Variants in ARL6IP4 observed in about 807,000 individuals in gnomAD.
ARL6IP4 encodes ARF like GTPase 6 interacting protein 4.
Under a neutral mutation model 28.1 loss-of-function variants are expected in ARL6IP4, and 24 were observed. The ratio of observed to expected loss-of-function variants is 0.86; its 90% CI spans 0.62 to 1.20. ARL6IP4 has a LOEUF of 1.20. Ranked by LOEUF, ARL6IP4 falls within the 50% of genes most tolerant of loss-of-function variation. The probability of loss-of-function intolerance (pLI) is 0.00; values close to 1 mark genes in which losing one functional copy is unlikely to be tolerated. For synonymous variants in ARL6IP4, 162 were observed against 122.3 expected, an observed-to-expected ratio of 1.32 and a Z score of -2.14; for missense variants, 343 against 302.4, an observed-to-expected ratio of 1.13 and a Z score of -1.00.
chr12:122,980,691 C>T lies in ARL6IP4; in HGVS notation c.-66C>T, dbSNP rs966480582. 1 of 1,339,248 alleles carries T rather than the reference C, an allele frequency of 7.5e-7. No individual in the cohort carries two copies. Among genetic ancestry groups the T allele is most frequent in the African/African-American group, 1.5e-5 (1 of 65,122 alleles). The allele number at this position is 1,339,248 out of a possible 1,614,324, so 83.0% of individuals were successfully genotyped here. A position where few individuals can be genotyped will look rare whatever the true frequency, so the allele number is the denominator to read the frequency against. ...GCCCCGGCCGGAAGCCTCCTCGCCG[C>T]CGCTTCCTCTCGAGAAGGCGCGGGG... On this transcript the variant is annotated 5_prime_UTR_variant, in exon 1 of 6. Transcript: ENST00000315580.
At chr12:122,980,848 C>G in intron 1 of ARL6IP4, 103 bp downstream of exon 1, 2 of 1,332,214 alleles carry the variant, frequency 1.5e-6, no homozygotes, top group Non-Finnish European at 1.9e-6. Flanking sequence ...AGACGCCACT[C>G]GCGGCGGACG....
At position 122,981,764 on chromosome 12, in the gene ARL6IP4, G is replaced by C; in HGVS notation, c.354G>C (p.Arg118Ser). Reference protein sequence around the residue: ...KDKRRKKKKKRKKLKKKGKEK... With the variant: ...KDKRRKKKKKSKKLKKKGKEK... Reference sequence around the variant, plus strand: ...AGAGGAGGAAGAAGAAGAAGAAGAGGAAGAAGCTGAAGAAGAAGGGCAAGG... The same window carrying C: ...AGAGGAGGAAGAAGAAGAAGAAGAGCAAGAAGCTGAAGAAGAAGGGCAAGG... The change falls in exon 3 of 6, where the codon AGG (arginine) becomes AGC (serine). Residue 118 changes from arginine (R) to serine (S), a missense_variant. Coordinates refer to ENST00000315580, the MANE Select transcript of ARL6IP4 (RefSeq NM_018694.4). 1 of 1,565,282 alleles carries C rather than the reference G, an allele frequency of 6.4e-7. No homozygotes were observed.
Position 122,982,173 on chromosome 12 carries a change from C to A in ARL6IP4, c.587+99C>A, listed in dbSNP as rs112360219. ...GTGGGGCCGGGCGGGGTTCCTGGTGCCTGAAAAAGGCCAAATGTGGGCAAA... is the reference window on the plus strand; with the variant it reads ...GTGGGGCCGGGCGGGGTTCCTGGTGACTGAAAAAGGCCAAATGTGGGCAAA... On this transcript the variant is annotated intron_variant, in intron 4 of 5. Transcript: ENST00000315580. The A allele has an allele frequency of 1.1e-3, 1,576 of 1,413,964 alleles. 14 individuals are homozygous for A. In the African/African-American group the frequency reaches 0.018, roughly 16 times the overall value. The allele number at this position is 1,413,964 out of a possible 1,614,324, so 87.6% of individuals were successfully genotyped here.
chr12:122,980,895 G>A (rs1468235790), intron 1 of ARL6IP4, 150 bp downstream of exon 1: 3 of 1,360,770 alleles, frequency 2.2e-6, no homozygotes, highest in African/African-American at 1.5e-5. Flanking sequence ...CGGGTGCGCA[G>A]GCGTGGGGCC....
At position 122,981,749 on chromosome 12, in the gene ARL6IP4, G is replaced by C. The variant is rs533949295; in HGVS notation, c.339G>C (p.Lys113Asn). 1 of 1,550,058 alleles carries C rather than the reference G, an allele frequency of 6.5e-7. No homozygotes were observed. Among genetic ancestry groups the C allele is most frequent in the Middle Eastern group, 1.7e-4 (1 of 5,986 alleles). ...GGAAGTACAAGGACAAGAGGAGGAA[G>C]AAGAAGAAGAAGAGGAAGAAGCTGA... is the stretch of plus-strand genomic sequence containing the variant. ...KRGKYKDKRR[K>N]KKKKRKKLKK... is the part of the protein sequence containing the mutation. The change falls in exon 3 of 6, where the codon AAG (lysine) becomes AAC (asparagine). Residue 113 changes from lysine to asparagine, a missense_variant. By Grantham distance (94) the Lys-to-Asn change is moderately conservative. Transcript: ENST00000315580.
At position 122,981,858 on chromosome 12, in the gene ARL6IP4, G is replaced by C. The variant is rs1361019830; in HGVS notation, c.448G>C (p.Gly150Arg). The C allele has an allele frequency of 1.9e-6, 3 of 1,610,882 alleles. No individual in the cohort carries two copies. Among genetic ancestry groups the C allele is most frequent in the Non-Finnish European group, 2.5e-6 (3 of 1,178,036 alleles). ...PSLDQWHRSA[G>R]EEEDGPVLTD... ...GCTGGACCAGTGGCACCGATCAGCT[G>C]GGGAGGAAGAGGATGGCCCAGGTAC... Residue 150 changes from glycine (G) to arginine (R), a missense_variant, in exon 3 of 6, where the codon GGG becomes CGG. Physicochemically the swap from Gly to Arg is moderately radical, Grantham distance 125. Transcript: ENST00000315580.
In ARL6IP4 at chr12:122,982,720, G is replaced by C. The variant is rs771405285; in HGVS notation, c.*44G>C. On this transcript the variant is annotated 3_prime_UTR_variant, in exon 6 of 6. Coordinates refer to ENST00000315580, the MANE Select transcript of ARL6IP4 (RefSeq NM_018694.4). Reference sequence around the variant, plus strand: ...GCCTGTGGACGACGCTGGCGGCCCAGCCTGGGCAGGTTTCAGGGTGCCAGT... The same window carrying C: ...GCCTGTGGACGACGCTGGCGGCCCACCCTGGGCAGGTTTCAGGGTGCCAGT... The C allele has an allele frequency of 6.3e-7, 1 of 1,593,006 alleles. No homozygotes were observed. The highest frequency in any genetic ancestry group is 1.7e-5 in the Admixed American group (1 of 59,940).
chr12:122,981,189 G>A lies in ARL6IP4; in HGVS notation c.50G>A (p.Arg17Gln). Residue 17 changes from arginine to glutamine, a missense_variant, in exon 2 of 6, where the codon CGG becomes CAG. Arg to Gln is a conservative substitution (Grantham distance 43). Transcript: ENST00000315580. ...RKRSRSRSRS[R>Q]GRGSEKRKKK... is the part of the protein sequence containing the mutation. ...CGCTCGAGGAGTCGCAGCCGGTCCC[G>A]GGGACGGGGGTCGGAAAAGAGAAAG... The A allele has an allele frequency of 3.2e-6, 5 of 1,549,346 alleles. 1 individual carries two copies. The highest frequency in any genetic ancestry group is 2.7e-5 in the African/African-American group (2 of 73,034).
At chr12:122,980,861 G>A (rs1335407506) in intron 1 of ARL6IP4, 116 bp downstream of exon 1, 5 of 1,333,708 alleles carry the variant, frequency 3.7e-6, no homozygotes, top group East Asian at 3.1e-5. Flanking sequence ...GGCGGACGGC[G>A]GCCAGTTCCC....
rs1037265957 is a variant in ARL6IP4, at chr12:122,981,806, G to T, written c.396G>T (p.Gln132His). The change falls in exon 3 of 6, where the codon CAG (glutamine) becomes CAT (histidine). Residue 132 changes from glutamine to histidine, a missense_variant. Physicochemically the swap from Gln to His is conservative, Grantham distance 24 (BLOSUM62 0). Transcript: ENST00000315580. ...AGGGCAAGGAGAAGGCGGAAGCACA[G>T]CAGGTGGAGGCTCTGCCGGGCCCCT... The part of the protein sequence containing the change: ...KKKGKEKAEA[Q>H]QVEALPGPSL... 3.7e-6 allele frequency: 6 copies of T among 1,602,956 alleles called. No homozygotes were observed. The highest frequency in any genetic ancestry group is 1.7e-5 in the Admixed American group (1 of 58,150).
intron 2 of ARL6IP4, 132 bp downstream of exon 2, chr12:122,981,431 G>GC: frequency 7.2e-7 from 1 of 1,388,684 alleles, no homozygotes; most frequent in South Asian, 1.5e-5. Flanking sequence ...CGCCGCAGGA[G>GC]CCAGGAAGGG....
upstream of ARL6IP4, chr12:122,980,477 G>A (rs2037593563): frequency 1.5e-6 from 2 of 1,364,624 alleles, no homozygotes; most frequent in East Asian, 2.8e-5. Context: ...TGCTGCGGGC[G>A]TGCGCCGAGA....
In ARL6IP4 at chr12:122,982,067, C is replaced by T. The variant is rs745538478; in HGVS notation, c.580C>T (p.Arg194Cys). 1.9e-6 allele frequency: 3 copies of T among 1,613,262 alleles called. No individual in the cohort carries two copies. Among genetic ancestry groups the T allele is most frequent in the Admixed American group, 1.7e-5 (1 of 60,010 alleles). The change falls in exon 4 of 6, where the codon CGC (arginine) becomes TGC (cysteine). Residue 194 changes from arginine (R) to cysteine (C), a missense_variant. Transcript: ENST00000315580. ...CAAGGTGGTGGACCCTGAGACGGGGCGCACCAGGTGGGGAGCTTTCGGCCT... is the reference window on the plus strand; with the variant it reads ...CAAGGTGGTGGACCCTGAGACGGGGTGCACCAGGTGGGGAGCTTTCGGCCT... ...IRKVVDPETG[R>C]TRLIKGDGEV...
intron 2 of ARL6IP4, 65 bp downstream of exon 2, chr12:122,981,364 G>GGTCGGGGACGCTCAGTC: frequency 4.0e-6 from 6 of 1,493,746 alleles, no homozygotes; most frequent in Non-Finnish European, 5.4e-6. Flanking sequence ...GGCGAGCAGT[G>GGTCGGGGACGCTCAGTC]GTCGGGGACG....
intron 1 of ARL6IP4, 154 bp from the exon 2 acceptor site, chr12:122,980,975 C>G: frequency 7.2e-7 from 1 of 1,386,884 alleles, no homozygotes; most frequent in Non-Finnish European, 9.3e-7. Flanking sequence ...AACCGGGGTC[C>G]CCAGCGCTGG....
Position 122,981,660 on chromosome 12 carries a change from T to A in ARL6IP4, c.250T>A (p.Ser84Thr). The A allele has an allele frequency of 6.4e-7, 1 of 1,555,946 alleles. No individual in the cohort carries two copies. Among genetic ancestry groups the A allele is most frequent in the Non-Finnish European group, 8.7e-7 (1 of 1,150,044 alleles). The change falls in exon 3 of 6, where the codon TCT becomes ACT. Residue 84 changes from serine to threonine, a missense_variant. Ser to Thr is a moderately conservative substitution (Grantham distance 58). Coordinates refer to ENST00000315580, the MANE Select transcript of ARL6IP4 (RefSeq NM_018694.4). ...SSSSSSSSSSSSSSSSSSSSS... is the reference protein window; with the variant it reads ...SSSSSSSSSSTSSSSSSSSSS... Reference sequence around the variant, plus strand: ...CTCCTCCTCCTCTTCTTCCAGTTCTTCTAGCTCCTCTTCTTCCTCCTCGTC... The same window carrying A: ...CTCCTCCTCCTCTTCTTCCAGTTCTACTAGCTCCTCTTCTTCCTCCTCGTC...
Position 122,982,456 on chromosome 12 carries a change from C to T in ARL6IP4, c.588-13C>T, listed in dbSNP as rs760899864. ...GCCTATTCCTTGCTGAACGGAGACC[C>T]TCCCACCCCCAGGCTTATTAAGGGA... On this transcript the variant is annotated splice_polypyrimidine_tract_variant and intron_variant, in intron 4 of 5. Transcript: ENST00000315580. 3.7e-6 allele frequency: 6 copies of T among 1,609,380 alleles called. No homozygotes were observed. The East Asian group carries it at 6.7e-5, about 18-fold the overall frequency.
chr12:122,980,254 A>T, upstream of ARL6IP4: 2 of 1,238,064 alleles, frequency 1.6e-6, no homozygotes, highest in Non-Finnish European at 2.0e-6. Context: ...TTCCTTCCGG[A>T]TGGGCCTGGG....
chr12:122,982,303 G>A, intron 4 of ARL6IP4, 166 bp from the exon 5 acceptor site: 2 of 834,258 alleles, frequency 2.4e-6, no homozygotes, highest in Non-Finnish European at 3.8e-6. Context: ...GCAGAGCCCA[G>A]CTCCACTGCC....
Sources: allele counts gnomAD v4.1 joint callset, GRCh38; gene constraint gnomAD v4.1.1; transcripts MANE v1.5; gene names NCBI Gene and HGNC (gene_info 2026-07-23, HGNC 2026-07-21).